The following KRT80 variants were observed in gnomAD, a reference collection of about 807,000 sequenced individuals.
The protein encoded by KRT80 is keratin, type II cytoskeletal 80.
Under a neutral mutation model 51.5 loss-of-function variants are expected in KRT80, and 36 were observed. That is an observed-to-expected ratio of 0.70 (90% CI 0.54 to 0.92). The LOEUF (loss-of-function observed/expected upper bound fraction) is 0.92, where lower values mean the gene tolerates loss of function less well. Among genes scored for constraint, KRT80 ranks in the 40% least tolerant of loss-of-function variants. The pLI is 0.00. For synonymous variants in KRT80, 235 were observed against 248.3 expected, an observed-to-expected ratio of 0.95 and a Z score of 0.50; for missense variants, 566 against 591.7, an observed-to-expected ratio of 0.96 and a Z score of 0.45.
chr12:52,176,433 T>C (rs981228042), intron 4 of KRT80, among the ~76,000 whole-genome samples: 1 of 152,020 alleles, frequency 6.6e-6, no homozygotes, highest in African/African-American at 2.4e-5. Flanking sequence ...GAGTAAAATA[T>C]AGCGCTAATG....
rs3803081 is a variant in KRT80, at chr12:52,170,498, C to T, written c.*900G>A. 0.25 allele frequency: 37,967 copies of T among 152,142 alleles called. 4,773 individuals are homozygous for T. Among genetic ancestry groups the T allele is most frequent in the Non-Finnish European group, 0.28 (18,835 of 68,008 alleles). The allele number at this position is 152,142 out of a possible 1,614,324, so 9.4% of individuals were successfully genotyped here. A position where few individuals can be genotyped will look rare whatever the true frequency, so the allele number is the denominator to read the frequency against. ...CTCCAAGGCCTGGTGCACCAAAGCC[C>T]GGTGCTCAGGCTGGGAACAACCCGG... On this transcript the variant is annotated 3_prime_UTR_variant, in exon 9 of 9. Coordinates refer to ENST00000394815, the MANE Select transcript of KRT80 (RefSeq NM_182507.3).
intron 4 of KRT80, 90 bp from the exon 5 acceptor site, chr12:52,173,854 C>A: frequency 1.5e-6 from 2 of 1,334,910 alleles, no homozygotes; most frequent in South Asian, 2.6e-5. Context: ...CCGGGGTGAG[C>A]GGAGAGTGGA....
At chr12:52,175,596 C>T (rs988657418) in intron 4 of KRT80, among the ~76,000 whole-genome samples, 3 of 152,098 alleles carry the variant, frequency 2.0e-5, no homozygotes, top group Non-Finnish European at 4.4e-5. Flanking sequence ...TGACTCTGCC[C>T]ACCAGCACCT....
At chr12:52,174,988 AG>A (rs1300713778) in intron 4 of KRT80, among the ~76,000 whole-genome samples, 3 of 152,060 alleles carry the variant, frequency 2.0e-5, no homozygotes, top group African/African-American at 7.2e-5. Flanking sequence ...GGTGGCAGGG[AG>A]GGGGCCAGGC....
intron 4 of KRT80, among the ~76,000 whole-genome samples, chr12:52,175,023 C>T (rs1395488520): frequency 6.6e-6 from 1 of 152,140 alleles, no homozygotes; most frequent in African/African-American, 2.4e-5. Flanking sequence ...TGGGTGCAGA[C>T]ACATCATGCT....
At chr12:52,181,950 C>T (rs908447237) in intron 2 of KRT80, among the ~76,000 whole-genome samples, 2 of 152,206 alleles carry the variant, frequency 1.3e-5, no homozygotes, top group African/African-American at 4.8e-5. Context: ...TACCTCAGGC[C>T]CTAGCCTCCC....
At chr12:52,175,692 C>G (rs1941206870) in intron 4 of KRT80, among the ~76,000 whole-genome samples, 1 of 152,018 alleles carries the variant, frequency 6.6e-6, no homozygotes, top group Admixed American at 6.6e-5. Flanking sequence ...GCTGGCAGGA[C>G]CCTGAACTCA....
At chr12:52,173,857 A>T (rs1565692501) in intron 4 of KRT80, 93 bp from the exon 5 acceptor site, 2 of 1,278,508 alleles carry the variant, frequency 1.6e-6, no homozygotes, top group Non-Finnish European at 2.2e-6. Flanking sequence ...GGGTGAGCGG[A>T]GAGTGGAGCT....
rs573392673 is a variant in KRT80, at chr12:52,177,772, G to T, written c.666+2741C>A. ...CTGATCTGGTGTCTGCTCCAAAGCT[G>T]AAACTAGAGTATCAGGGCCTCCTGG... On this transcript the variant is annotated intron_variant, in intron 4 of 8. Transcript: ENST00000394815. Among the ~76,000 whole-genome samples the T allele has an allele frequency of 2.6e-4, 40 of 152,168 alleles. No individual in the cohort carries two copies. The South Asian group carries it at 7.7e-3, about 29-fold the overall frequency.
Position 52,185,493 on chromosome 12 carries a change from T to C in KRT80, c.395A>G (p.Tyr132Cys), listed in dbSNP as rs144271501. 1.6e-5 allele frequency: 26 copies of C among 1,613,812 alleles called. No individual in the cohort carries two copies. The highest frequency in any genetic ancestry group is 5.5e-5 in the South Asian group (5 of 91,082). ...CTGCAGCCGGCCCTGATATTCCTCA[T>C]AGAGATGCCCGAGGTCGAAGATGGC... is the stretch of plus-strand genomic sequence containing the variant. ...DSAIFDLGHLYEEYQGRLQEE... is the reference protein window; with the variant it reads ...DSAIFDLGHLCEEYQGRLQEE... The change falls in exon 2 of 9, where the codon TAT (tyrosine) becomes TGT (cysteine). Residue 132 changes from tyrosine to cysteine, a missense_variant. Physicochemically the swap from Tyr to Cys is radical, Grantham distance 194. Transcript: ENST00000394815.
chr12:52,178,515 G>A (rs1234952744), intron 4 of KRT80, among the ~76,000 whole-genome samples: 1 of 152,262 alleles, frequency 6.6e-6, no homozygotes, highest in African/African-American at 2.4e-5. Flanking sequence ...TACCGCCTGT[G>A]AGAGGCCCCG....
At chr12:52,187,885 G>A (rs894640349) in intron 1 of KRT80, among the ~76,000 whole-genome samples, 1 of 152,200 alleles carries the variant, frequency 6.6e-6, no homozygotes, top group Admixed American at 6.5e-5. Flanking sequence ...CTCCACCCAT[G>A]AGCAGCAGAG....
intron 2 of KRT80, among the ~76,000 whole-genome samples, chr12:52,181,557 G>T (rs1483469891): frequency 1.3e-5 from 2 of 152,196 alleles, no homozygotes; most frequent in African/African-American, 4.8e-5. Flanking sequence ...TTGGCTTCCT[G>T]CCTCTAAGGG....
chr12:52,180,577 T>C lies in KRT80; in HGVS notation c.602A>G (p.Glu201Gly), dbSNP rs771495778. The C allele has an allele frequency of 1.1e-5, 17 of 1,496,508 alleles. No homozygotes were observed. Among genetic ancestry groups the C allele is most frequent in the Middle Eastern group, 1.8e-4 (1 of 5,550 alleles). The allele number at this position is 1,496,508 out of a possible 1,614,324, so 92.7% of individuals were successfully genotyped here. ...DLDAECLHRT[E>G]LETKLKSLES... ...CAGGCTTTTTAACTTGGTTTCCAGTTCAGTCCGATGAAGACACTCTGCATC... is the reference window on the plus strand; with the variant it reads ...CAGGCTTTTTAACTTGGTTTCCAGTCCAGTCCGATGAAGACACTCTGCATC... The change falls in exon 4 of 9, where the codon GAA becomes GGA. Residue 201 changes from glutamate (E) to glycine (G), a missense_variant. Glu to Gly is a moderately conservative substitution (Grantham distance 98). Coordinates refer to ENST00000394815, the MANE Select transcript of KRT80 (RefSeq NM_182507.3).
At chr12:52,172,470 C>G in intron 6 of KRT80, 52 bp from the exon 7 acceptor site, 1 of 1,527,492 alleles carries the variant, frequency 6.5e-7, no homozygotes, top group Non-Finnish European at 8.9e-7. Context: ...GAAGGAGGAG[C>G]GGGCCAGGGC....
chr12:52,172,170 G>C lies in KRT80; in HGVS notation c.1178+28C>G, dbSNP rs201059644. The C allele has an allele frequency of 3.5e-5, 56 of 1,610,074 alleles. No homozygotes were observed. In the African/African-American group the frequency reaches 4.8e-4, roughly 14 times the overall value. On this transcript the variant is annotated intron_variant, in intron 7 of 8. Transcript: ENST00000394815. ...GGCCTCCAGCCCTCCTTCCCCTGCA[G>C]CCCTTCCTCACCAGCCCTGGCTCTC...
intron 4 of KRT80, among the ~76,000 whole-genome samples, chr12:52,177,816 G>C (rs1941256998): frequency 6.6e-6 from 1 of 152,098 alleles, no homozygotes; most frequent in Admixed American, 6.5e-5. Flanking sequence ...TGTTCTGCCA[G>C]GTTTTTCTTC....
At chr12:52,180,699 G>A (rs775878922) in intron 3 of KRT80, 91 bp from the exon 4 acceptor site, 206 of 1,599,356 alleles carry the variant, frequency 1.3e-4, no homozygotes, top group Middle Eastern at 3.3e-4. Flanking sequence ...GGGTGAGAGT[G>A]GGGGTGATTC....
chr12:52,171,285 T>C lies in KRT80; in HGVS notation c.*113A>G. On this transcript the variant is annotated 3_prime_UTR_variant, in exon 9 of 9. Transcript: ENST00000394815. The stretch of plus-strand genomic sequence containing the variant: ...GTTTTGAACCCCTCTCTCAGTTCAA[T>C]ATCAGGTTTTGCCTCTCTTCTCAAC... 1 of 1,106,428 alleles carries C rather than the reference T, an allele frequency of 9.0e-7. No homozygotes were observed. Among genetic ancestry groups the C allele is most frequent in the Non-Finnish European group, 1.3e-6 (1 of 769,126 alleles). The allele number at this position is 1,106,428 out of a possible 1,614,324, so 68.5% of individuals were successfully genotyped here.
Sources: gnomAD v4.1 joint callset for allele counts (sites outside exome capture counted in the v4.1 genomes callset) on GRCh38, gnomAD v4.1.1 for gene constraint, MANE v1.5 for transcripts, NCBI Gene and HGNC (gene_info 2026-07-23, HGNC 2026-07-21) for gene names.